LARGE1: variants seen among roughly 807,000 people sequenced by gnomAD.
LARGE1 encodes xylosyl- and glucuronyltransferase LARGE1.
A neutral mutation model predicts 87.6 loss-of-function variants in LARGE1; 43 were observed. The ratio of observed to expected loss-of-function variants is 0.49; its 90% CI spans 0.38 to 0.63. LARGE1 has a LOEUF of 0.63. Ranked by LOEUF, LARGE1 falls within the 30% of genes least tolerant of loss-of-function variation. The pLI, the probability that LARGE1 is intolerant of heterozygous loss-of-function variation, is 0.00. For missense variants in LARGE1, 802 were observed against 1,000.2 expected (o/e 0.80, Z 2.67); for synonymous variants, 434 against 394.6 (o/e 1.10, Z -1.18).
At chr22:33,119,276 C>T in the LARGE1 span, among the ~76,000 whole-genome samples, 1 of 152,176 alleles carries the variant, frequency 6.6e-6, no homozygotes, top group Non-Finnish European at 1.5e-5. Flanking sequence ...TTTAGTAACC[C>T]AAATCTTGGG....
chr22:33,736,289 C>T (rs2083654179), intron 2 of LARGE1, among the ~76,000 whole-genome samples: 1 of 152,212 alleles, frequency 6.6e-6, no homozygotes, highest in South Asian at 2.1e-4. Flanking sequence ...TTCTCCATAT[C>T]CTCTCTAACA....
At chr22:33,588,460 C>T (rs1316351332) in intron 5 of LARGE1, among the ~76,000 whole-genome samples, 1 of 152,152 alleles carries the variant, frequency 6.6e-6, no homozygotes, top group Non-Finnish European at 1.5e-5. Flanking sequence ...AACCTCAAAA[C>T]CCTCACAGTG....
intron 1 of LARGE1, among the ~76,000 whole-genome samples, chr22:33,883,612 T>G (rs1000602815): frequency 6.6e-6 from 1 of 152,220 alleles, no homozygotes; most frequent in Non-Finnish European, 1.5e-5. Flanking sequence ...CCTCTCCCAA[T>G]ACTTTCCTAG....
At chr22:33,289,855 G>A (rs530675236) in intron 12 of LARGE1, among the ~76,000 whole-genome samples, 12 of 151,986 alleles carry the variant, frequency 7.9e-5, no homozygotes, top group Admixed American at 2.0e-4. Flanking sequence ...TTTTTTCCCC[G>A]AGCCCCTCCT....
At chr22:33,399,320 C>A (rs1339245181) in intron 7 of LARGE1, among the ~76,000 whole-genome samples, 1 of 152,122 alleles carries the variant, frequency 6.6e-6, no homozygotes, top group African/African-American at 2.4e-5. Flanking sequence ...TGAACTCATT[C>A]TTTTTTATGG....
chr22:33,302,966 A>G (rs1240108042), intron 12 of LARGE1, among the ~76,000 whole-genome samples: 1 of 152,184 alleles, frequency 6.6e-6, no homozygotes, highest in East Asian at 1.9e-4. Flanking sequence ...ACCTGGATCT[A>G]GGCAGGCACT....
intron 7 of LARGE1, among the ~76,000 whole-genome samples, chr22:33,410,339 C>G (rs1225402325): frequency 6.6e-6 from 1 of 151,958 alleles, no homozygotes; most frequent in Non-Finnish European, 1.5e-5. Context: ...TGGCTGTGTC[C>G]CCAGCCAAAT....
chr22:33,264,556 A>G (rs1371167400), intron 11 of LARGE1, among the ~76,000 whole-genome samples: 1 of 152,148 alleles, frequency 6.6e-6, no homozygotes, highest in Non-Finnish European at 1.5e-5. Flanking sequence ...CTACTTGGGA[A>G]GCTGAGGCAG....
At chr22:33,535,863 CTT>C (rs1308743382) in intron 6 of LARGE1, among the ~76,000 whole-genome samples, 1 of 152,184 alleles carries the variant, frequency 6.6e-6, no homozygotes, top group Non-Finnish European at 1.5e-5. Flanking sequence ...GCCGGCAACC[CTT>C]GTCTGTATTC....
chr22:33,732,912 C>T (rs2083522321), intron 2 of LARGE1: 1 of 152,302 alleles, frequency 6.6e-6, no homozygotes, highest in Admixed American at 6.5e-5. Context: ...TGAAACACCA[C>T]CCACCCCCTC....
chr22:33,708,631 C>T (rs1391646030), intron 2 of LARGE1, among the ~76,000 whole-genome samples: 2 of 152,142 alleles, frequency 1.3e-5, no homozygotes, highest in African/African-American at 2.4e-5. Context: ...GACAGAGTCT[C>T]GCTCTGTCGC....
chr22:33,513,812 TACACACACACAC>T (rs56262022), intron 6 of LARGE1, among the ~76,000 whole-genome samples: 2 of 143,178 alleles, frequency 1.4e-5, no homozygotes, highest in African/African-American at 2.6e-5. Context: ...AGAGCTGATG[TACACACACACAC>T]ACACACACAC....
intron 6 of LARGE1, among the ~76,000 whole-genome samples, chr22:33,458,426 ATTTTTTAT>A (rs918487559): frequency 2.0e-5 from 3 of 149,280 alleles, no homozygotes; most frequent in Non-Finnish European, 4.4e-5. Flanking sequence ...TTTTACTGTT[ATTTTTTAT>A]TTTTTTATTT....
intron 6 of LARGE1, among the ~76,000 whole-genome samples, chr22:33,536,185 C>A (rs1280482223): frequency 6.6e-6 from 1 of 152,078 alleles, no homozygotes; most frequent in South Asian, 2.1e-4. Flanking sequence ...ATGGTAGAGA[C>A]GAGACTATTT....
chr22:33,629,281 GA>G (rs2080028539), intron 3 of LARGE1, among the ~76,000 whole-genome samples: 2 of 152,160 alleles, frequency 1.3e-5, no homozygotes, highest in South Asian at 4.1e-4. Context: ...AAAACACGCT[GA>G]ATCAGGCTCT....
intron 2 of LARGE1, among the ~76,000 whole-genome samples, chr22:33,676,321 G>T (rs1438422355): frequency 8.9e-6 from 1 of 112,436 alleles, no homozygotes; most frequent in Non-Finnish European, 1.6e-5. Flanking sequence ...GCACATCAGA[G>T]AATACGTCCA....
At chr22:33,638,921 T>C (rs1252352845) in intron 3 of LARGE1, among the ~76,000 whole-genome samples, 1 of 152,216 alleles carries the variant, frequency 6.6e-6, no homozygotes, top group Admixed American at 6.5e-5. Flanking sequence ...TCATTCACTT[T>C]CCATAATAAC....
intron 1 of LARGE1, among the ~76,000 whole-genome samples, chr22:33,809,593 T>C (rs2086427375): frequency 6.6e-6 from 1 of 152,244 alleles, no homozygotes; most frequent in Non-Finnish European, 1.5e-5. Flanking sequence ...GGAAATATTA[T>C]ATAATGCTAG....
At chr22:33,412,137 A>G (rs1210731140) in intron 7 of LARGE1, among the ~76,000 whole-genome samples, 1 of 152,174 alleles carries the variant, frequency 6.6e-6, no homozygotes, top group African/African-American at 2.4e-5. Flanking sequence ...TACAAAAATT[A>G]GCCAGGCGTG....
Sources: allele counts gnomAD v4.1 joint callset (sites outside exome capture counted in the v4.1 genomes callset), GRCh38; gene constraint gnomAD v4.1.1; transcripts MANE v1.5; gene names NCBI Gene and HGNC (gene_info 2026-07-23, HGNC 2026-07-21).